Variants in C14orf39 observed in about 807,000 individuals in gnomAD.
The protein encoded by C14orf39 is chromosome 14 open reading frame 39, also known as protein SIX6OS1.
Under a neutral mutation model 85.6 loss-of-function variants are expected in C14orf39, and 66 were observed. That is an observed-to-expected ratio of 0.77 (90% CI 0.63 to 0.95). The LOEUF (loss-of-function observed/expected upper bound fraction) is 0.95. Among genes scored for constraint, C14orf39 ranks in the 40% least tolerant of loss-of-function variants. C14orf39 has a pLI of 0.00. For synonymous variants in C14orf39, 242 were observed against 214.0 expected, an observed-to-expected ratio of 1.13 and a Z score of -1.14; for missense variants, 735 against 663.9, an observed-to-expected ratio of 1.11 and a Z score of -1.18.
intron 15 of C14orf39, 132 bp downstream of exon 15, chr14:60,456,785 T>C (rs1891298747): frequency 1.4e-6 from 1 of 714,928 alleles, no homozygotes; most frequent in Non-Finnish European, 2.2e-6. Context: ...TTAGTCTTTC[T>C]CTTCTTTGCA....
chr14:60,461,492 T>C lies in C14orf39; in HGVS notation c.1058+16A>G, dbSNP rs1234985302. 5 of 1,579,560 alleles carry C rather than the reference T, an allele frequency of 3.2e-6. No homozygotes were observed. In the East Asian group the frequency reaches 1.1e-4, roughly 36 times the overall value. ...TATTTCAGAGATTAAAGCATTTTCT[T>C]ATTTTAAAAAGTTACCTGACTTGCA... On this transcript the variant is annotated intron_variant, in intron 12 of 17. Coordinates refer to ENST00000321731, the MANE Select transcript of C14orf39 (RefSeq NM_174978.3).
At chr14:60,509,973 C>G (rs1231504112) in intron 1 of C14orf39, 3 of 1,596,226 alleles carry the variant, frequency 1.9e-6, no homozygotes, top group Non-Finnish European at 2.6e-6. Flanking sequence ...AAGAACAGGT[C>G]GGTACCTAGA....
Position 60,436,894 on chromosome 14 carries a change from T to A in C14orf39, c.1715A>T (p.Lys572Ile), listed in dbSNP as rs1160624691. The A allele has an allele frequency of 6.2e-7, 1 of 1,612,406 alleles. No individual in the cohort carries two copies. The highest frequency in any genetic ancestry group is 8.5e-7 in the Non-Finnish European group (1 of 1,178,996). ...ATTTTGTGAGGAAGATGAAAAACCT[T>A]TTAAAGAAGAAGAAGGTATTGAATT... ...GQNSIPSSSLKGFSSSSQNTT... is the reference protein window; with the variant it reads ...GQNSIPSSSLIGFSSSSQNTT... Residue 572 changes from lysine to isoleucine, a missense_variant, in exon 18 of 18, where the codon AAA (lysine) becomes ATA (isoleucine). Transcript: ENST00000321731.
intron 16 of C14orf39, among the ~76,000 whole-genome samples, chr14:60,454,557 C>T (rs562870860): frequency 1.1e-4 from 17 of 152,026 alleles, no homozygotes; most frequent in African/African-American, 3.4e-4. Context: ...TAGAAATAAG[C>T]ACTTTATCAT....
chr14:60,508,278 C>T (rs956737253), intron 1 of C14orf39, among the ~76,000 whole-genome samples: 1 of 152,126 alleles, frequency 6.6e-6, no homozygotes, highest in Non-Finnish European at 1.5e-5. Flanking sequence ...TAAAAAAGAT[C>T]TAGGAAATAA....
In C14orf39 at chr14:60,442,096, A is replaced by T; in HGVS notation, c.1539T>A (p.Pro513=). Reference sequence around the variant, plus strand: ...TACCAATCTCTTGCTCTGATGACAGAGGATTTAGATTTCTTGCAGAATAAT... The same window carrying T: ...TACCAATCTCTTGCTCTGATGACAGTGGATTTAGATTTCTTGCAGAATAAT... ...NEHYSARNLN[P]LSSEQEIGNL... Residue 513 remains proline (P), a synonymous_variant, in exon 17 of 18, where the codon CCT becomes CCA. Transcript: ENST00000321731. 6.2e-7 allele frequency: 1 copy of T among 1,610,504 alleles called. No homozygotes were observed. The highest frequency in any genetic ancestry group is 8.5e-7 in the Non-Finnish European group (1 of 1,177,492).
chr14:60,500,368 G>A (rs1430231431), intron 1 of C14orf39, among the ~76,000 whole-genome samples: 1 of 152,110 alleles, frequency 6.6e-6, no homozygotes, highest in Non-Finnish European at 1.5e-5. Context: ...AGTAAAAATT[G>A]GTAAAAGTCT....
At chr14:60,503,733 A>C (rs748918438) in intron 1 of C14orf39, among the ~76,000 whole-genome samples, 1 of 152,232 alleles carries the variant, frequency 6.6e-6, no homozygotes, top group Non-Finnish European at 1.5e-5. Flanking sequence ...CTTTATAAGT[A>C]TTTGGTTATC....
intron 1 of C14orf39, among the ~76,000 whole-genome samples, chr14:60,502,974 T>C (rs1236256618): frequency 6.6e-6 from 1 of 152,224 alleles, no homozygotes. Flanking sequence ...TAGACTTCTG[T>C]AGTTGTAATA....
At chr14:60,512,075 G>A (rs1594632830) in intron 1 of C14orf39, 1 of 151,408 alleles carries the variant, frequency 6.6e-6, no homozygotes, top group African/African-American at 2.4e-5. Flanking sequence ...ATGCATACAC[G>A]TGATATATTT....
At position 60,478,337 on chromosome 14, in the gene C14orf39, G is replaced by C. The variant is rs147317667; in HGVS notation, c.286C>G (p.Gln96Glu). The C allele has an allele frequency of 1.4e-4, 222 of 1,578,930 alleles. No homozygotes were observed. The highest frequency in any genetic ancestry group is 1.8e-4 in the Non-Finnish European group (208 of 1,166,138). Residue 96 changes from glutamine to glutamate, a missense_variant, in exon 5 of 18, where the codon CAA (glutamine) becomes GAA (glutamate). Coordinates refer to ENST00000321731, the MANE Select transcript of C14orf39 (RefSeq NM_174978.3). ...ACAGTTCCTTGATAAACAGTAAATT[G>C]GTCCTGCATATAATCTTCATGTTTA... is the stretch of plus-strand genomic sequence containing the variant. ...FRKHEDYMQDQFTVYQGTVEK... is the reference protein window; with the variant it reads ...FRKHEDYMQDEFTVYQGTVEK...
At chr14:60,468,229 C>T (rs914139091) in intron 9 of C14orf39, among the ~76,000 whole-genome samples, 2 of 151,690 alleles carry the variant, frequency 1.3e-5, no homozygotes, top group Non-Finnish European at 3.0e-5. Flanking sequence ...TTTCTCTTTA[C>T]ACATTATCCT....
chr14:60,475,035 C>T (rs1045320706), intron 5 of C14orf39, among the ~76,000 whole-genome samples: 12 of 152,068 alleles, frequency 7.9e-5, no homozygotes, highest in African/African-American at 2.9e-4. Context: ...TGGTCCTGGA[C>T]TTTTTTGGTT....
intron 17 of C14orf39, 110 bp from the exon 18 acceptor site, chr14:60,437,157 T>C: frequency 1.4e-6 from 1 of 715,216 alleles, no homozygotes; most frequent in East Asian, 2.6e-5. Flanking sequence ...ACTGAATCAG[T>C]GTTACACAGG....
intron 9 of C14orf39, among the ~76,000 whole-genome samples, chr14:60,468,051 T>C (rs988696991): frequency 6.6e-6 from 1 of 151,628 alleles, no homozygotes. Flanking sequence ...CTTCACTCTA[T>C]AGCAAAGGAA....
Position 60,484,761 on chromosome 14 carries a change from G to C in C14orf39, c.106+120C>G, listed in dbSNP as rs917804866. On this transcript the variant is annotated intron_variant, in intron 3 of 17. Transcript: ENST00000321731. The surrounding 1 kb of genome is among the most constrained non-coding windows in gnomAD (Gnocchi z 4.2). The stretch of plus-strand genomic sequence containing the variant: ...AGGGTAAATAGTTTATTTGTCGCTA[G>C]AGAGAACTGACACAAAAGTTATAAC... 4.1e-5 allele frequency: 28 copies of C among 681,420 alleles called. No homozygotes were observed. Among genetic ancestry groups the C allele is most frequent in the Non-Finnish European group, 6.0e-5 (24 of 400,172 alleles). The allele number at this position is 681,420 out of a possible 1,614,324, so 42.2% of individuals were successfully genotyped here. A position where few individuals can be genotyped will look rare whatever the true frequency, so the allele number is the denominator to read the frequency against.
At chr14:60,502,491 G>GC (rs994905471) in intron 1 of C14orf39, among the ~76,000 whole-genome samples, 9 of 152,058 alleles carry the variant, frequency 5.9e-5, no homozygotes, top group Non-Finnish European at 1.0e-4. Context: ...AATCAGTTCA[G>GC]CCCCCAATTT....
At chr14:60,453,633 C>T (rs1050528914) in intron 16 of C14orf39, among the ~76,000 whole-genome samples, 1 of 151,220 alleles carries the variant, frequency 6.6e-6, no homozygotes, top group Admixed American at 6.6e-5. Flanking sequence ...TGTTTCTTTT[C>T]TACCTTGTGG....
intron 4 of C14orf39, 91 bp from the exon 5 acceptor site, chr14:60,478,480 G>T (rs1340215040): frequency 2.6e-5 from 17 of 653,214 alleles, no homozygotes; most frequent in Admixed American, 4.0e-5. Context: ...TATTTAAAGA[G>T]AAACGAATCT....
Sources: gnomAD v4.1 joint callset for allele counts (sites outside exome capture counted in the v4.1 genomes callset) on GRCh38, gnomAD v4.1.1 for gene constraint, Gnocchi (gnomAD v3.1) non-coding constraint, MANE v1.5 for transcripts, NCBI Gene and HGNC (gene_info 2026-07-23, HGNC 2026-07-21) for gene names.